Variants in ABLIM1 observed in about 807,000 individuals in gnomAD.
ABLIM1 encodes the protein actin-binding LIM protein 1.
Under a neutral mutation model 107.0 loss-of-function variants are expected in ABLIM1, and 40 were observed. The observed-to-expected ratio is 0.37, with a 90% CI of 0.29 to 0.49. The LOEUF (loss-of-function observed/expected upper bound fraction) is 0.49. Among genes scored for constraint, ABLIM1 ranks in the 20% least tolerant of loss-of-function variants. The probability of loss-of-function intolerance (pLI) is 0.97; values close to 1 mark genes in which losing one functional copy is unlikely to be tolerated. For synonymous variants in ABLIM1, 357 were observed against 357.3 expected, an observed-to-expected ratio of 1.00 and a Z score of 0.01; for missense variants, 857 against 1,008.5, an observed-to-expected ratio of 0.85 and a Z score of 2.04.
intron 15 of ABLIM1, among the ~76,000 whole-genome samples, chr10:114,446,263 C>T (rs550069700): frequency 2.0e-5 from 3 of 152,100 alleles, no homozygotes; most frequent in Admixed American, 6.5e-5. Flanking sequence ...CTATTTCTTT[C>T]GAGAAATGGG....
chr10:114,686,364 T>A (rs914682612), upstream of ABLIM1, among the ~76,000 whole-genome samples: 1 of 151,550 alleles, frequency 6.6e-6, no homozygotes, highest in East Asian at 1.9e-4. Context: ...AAAAAAAAAA[T>A]TAGGCAGGCA....
the ABLIM1 span, chr10:114,778,944 A>G: frequency 6.6e-6 from 1 of 152,064 alleles, no homozygotes; most frequent in Non-Finnish European, 1.5e-5. Flanking sequence ...CACCCAGTGG[A>G]GTATTTGGTA....
intron 2 of ABLIM1, among the ~76,000 whole-genome samples, chr10:114,593,915 A>G (rs1361885189): frequency 6.6e-6 from 1 of 152,218 alleles, no homozygotes; most frequent in Non-Finnish European, 1.5e-5. Flanking sequence ...ATGGCAACAA[A>G]TTCAAAAAAT....
the ABLIM1 span, among the ~76,000 whole-genome samples, chr10:114,793,286 G>C: frequency 6.6e-6 from 1 of 152,150 alleles, no homozygotes; most frequent in Non-Finnish European, 1.5e-5. Context: ...CCTTGTGATA[G>C]TGAGTGAATC....
chr10:114,800,586 G>A, the ABLIM1 span, among the ~76,000 whole-genome samples: 1 of 152,096 alleles, frequency 6.6e-6, no homozygotes, highest in East Asian at 1.9e-4. Flanking sequence ...CAGTTGACCC[G>A]TGAACAACAT....
At chr10:114,479,502 T>G (rs1419234776) in intron 8 of ABLIM1, among the ~76,000 whole-genome samples, 1 of 152,190 alleles carries the variant, frequency 6.6e-6, no homozygotes, top group African/African-American at 2.4e-5. Context: ...TGATTCCAAA[T>G]GCTCTTGGAG....
chr10:114,744,041 G>GGA (rs1278998183), intron 1 of ABLIM1, among the ~76,000 whole-genome samples: 2 of 152,142 alleles, frequency 1.3e-5, no homozygotes, highest in African/African-American at 4.8e-5. Flanking sequence ...TGGCCTCTTG[G>GGA]GAGACCATGA....
In ABLIM1 at chr10:114,753,115, A is replaced by G. The variant is rs979066543; in HGVS notation, c.-213+14946T>C. 6.6e-5 allele frequency among the ~76,000 whole-genome samples: 10 copies of G among 152,298 alleles called. No homozygotes were observed. The East Asian group carries it at 1.5e-3, about 24-fold the overall frequency. Reference sequence around the variant, plus strand: ...TTAAATGAAGTGAGGGGGAGTCAATATTCTTTTTTCTCTGGTATAGAAATG... The same window carrying G: ...TTAAATGAAGTGAGGGGGAGTCAATGTTCTTTTTTCTCTGGTATAGAAATG... On this transcript the variant is annotated intron_variant, in intron 1 of 15. Coordinates refer to the ABLIM1 transcript ENST00000651092.
At chr10:114,461,582 G>A (rs1227971612) in intron 12 of ABLIM1, among the ~76,000 whole-genome samples, 2 of 152,076 alleles carry the variant, frequency 1.3e-5, no homozygotes, top group African/African-American at 4.8e-5. Context: ...ACGTTAGGAG[G>A]TCAAGGCGGG....
At chr10:114,546,140 T>A (rs1303168313) in intron 5 of ABLIM1, among the ~76,000 whole-genome samples, 4 of 151,704 alleles carry the variant, frequency 2.6e-5, no homozygotes, top group Non-Finnish European at 5.9e-5. Context: ...AAATATTATA[T>A]CCTGTGTGTG....
At chr10:114,759,804 A>G (rs17794002) in intron 1 of ABLIM1, among the ~76,000 whole-genome samples, 68,700 of 151,992 alleles carry the variant, frequency 0.45, 16,261 homozygotes, top group Non-Finnish European at 0.51. Flanking sequence ...ACCAGTTAGA[A>G]AGGCCACAGT....
At chr10:114,586,343 AC>A (rs2074190772) in intron 2 of ABLIM1, among the ~76,000 whole-genome samples, 1 of 152,212 alleles carries the variant, frequency 6.6e-6, no homozygotes, top group African/African-American at 2.4e-5. Flanking sequence ...ATTACAGAGA[AC>A]AAGACTGTGG....
chr10:114,637,302 A>G (rs568386327), intron 1 of ABLIM1, among the ~76,000 whole-genome samples: 2 of 152,108 alleles, frequency 1.3e-5, no homozygotes, highest in Non-Finnish European at 2.9e-5. Context: ...CAATCCTTAT[A>G]CTCTCTGTTG....
chr10:114,550,845 A>C (rs1392081497), intron 4 of ABLIM1, among the ~76,000 whole-genome samples: 1 of 152,212 alleles, frequency 6.6e-6, no homozygotes. Context: ...CTAATTACAT[A>C]ATTCCCACTA....
chr10:114,782,825 G>A, the ABLIM1 span, among the ~76,000 whole-genome samples: 1 of 152,098 alleles, frequency 6.6e-6, no homozygotes, highest in Non-Finnish European at 1.5e-5. Context: ...AGAAGAATAA[G>A]ATATTTTGGA....
At chr10:114,624,424 T>C (rs894890622) in intron 1 of ABLIM1, among the ~76,000 whole-genome samples, 1 of 152,154 alleles carries the variant, frequency 6.6e-6, no homozygotes, top group Non-Finnish European at 1.5e-5. Context: ...TTTGGAAAAG[T>C]CAATTTGTCG....
At chr10:114,729,903 T>G (rs1161803486) in intron 1 of ABLIM1, among the ~76,000 whole-genome samples, 3 of 152,156 alleles carry the variant, frequency 2.0e-5, no homozygotes, top group Non-Finnish European at 4.4e-5. Flanking sequence ...GGGGCATTAT[T>G]ATGTCAGTTA....
intron 1 of ABLIM1, among the ~76,000 whole-genome samples, chr10:114,606,598 TACAC>T (rs2076431928): frequency 6.6e-6 from 1 of 152,158 alleles, no homozygotes; most frequent in Admixed American, 6.5e-5. Flanking sequence ...GCAGGTAACA[TACAC>T]ATTCTCCCTC....
intron 6 of ABLIM1, among the ~76,000 whole-genome samples, chr10:114,518,457 G>A (rs1263688853): frequency 6.6e-6 from 1 of 151,740 alleles, no homozygotes; most frequent in Non-Finnish European, 1.5e-5. Context: ...ACTCAAGGCT[G>A]GTATGGGCTA....
Sources: allele counts gnomAD v4.1 joint callset (sites outside exome capture counted in the v4.1 genomes callset), GRCh38; gene constraint gnomAD v4.1.1; transcripts MANE v1.5; gene names NCBI Gene and HGNC (gene_info 2026-07-23, HGNC 2026-07-21).